The following CYP4X1 variants were observed in gnomAD, a reference collection of about 807,000 sequenced individuals.
The protein encoded by CYP4X1 is cytochrome P450 4X1.
Under a neutral mutation model 57.9 loss-of-function variants are expected in CYP4X1, and 44 were observed. That is an observed-to-expected ratio of 0.76 (90% CI 0.60 to 0.98). The LOEUF (loss-of-function observed/expected upper bound fraction) is 0.98, where lower values mean the gene tolerates loss of function less well. Ranked by LOEUF, CYP4X1 falls within the 50% of genes least tolerant of loss-of-function variation. The pLI, the probability that CYP4X1 is intolerant of heterozygous loss-of-function variation, is 0.00. For synonymous variants in CYP4X1, 227 were observed against 228.6 expected, an observed-to-expected ratio of 0.99 and a Z score of 0.06; for missense variants, 532 against 623.9, an observed-to-expected ratio of 0.85 and a Z score of 1.57.
the CYP4X1 span, among the ~76,000 whole-genome samples, chr1:47,005,698 T>TA: frequency 1.3e-5 from 2 of 152,198 alleles, no homozygotes; most frequent in African/African-American, 4.8e-5. Flanking sequence ...ATAACTTTAC[T>TA]AAAAAAGCTG....
chr1:46,983,040 C>T, the CYP4X1 span, among the ~76,000 whole-genome samples: 15 of 152,276 alleles, frequency 9.9e-5, no homozygotes, highest in Middle Eastern at 3.4e-3. Flanking sequence ...AGCCTGGGGG[C>T]CCTGCCTGGG....
At chr1:47,044,666 T>C (rs561019593) in intron 8 of CYP4X1, among the ~76,000 whole-genome samples, 1 of 152,338 alleles carries the variant, frequency 6.6e-6, no homozygotes, top group South Asian at 2.1e-4. Context: ...TAGCATTTTT[T>C]GTAAGATGGG....
chr1:47,048,090 AAAGAG>A (rs1644321964), intron 9 of CYP4X1, among the ~76,000 whole-genome samples: 1 of 151,932 alleles, frequency 6.6e-6, no homozygotes, highest in Non-Finnish European at 1.5e-5. Context: ...AAAAAAAAAA[AAAGAG>A]AGAGATAGCC....
the CYP4X1 span, among the ~76,000 whole-genome samples, chr1:46,986,368 G>T: frequency 6.6e-6 from 1 of 152,190 alleles, no homozygotes; most frequent in Non-Finnish European, 1.5e-5. Context: ...AAGTGTCCAA[G>T]AGATATCAGA....
At chr1:47,009,850 G>A in the CYP4X1 span, among the ~76,000 whole-genome samples, 1 of 152,184 alleles carries the variant, frequency 6.6e-6, no homozygotes. Flanking sequence ...ACCTTCCCAA[G>A]AATAAACCAG....
chr1:47,023,629 C>T, upstream of CYP4X1: 2 of 1,326,626 alleles, frequency 1.5e-6, no homozygotes, highest in Non-Finnish European at 1.9e-6. Flanking sequence ...ATCCCGCACG[C>T]GCGCCTGCCT....
At chr1:46,972,451 T>A in the CYP4X1 span, among the ~76,000 whole-genome samples, 4 of 152,122 alleles carry the variant, frequency 2.6e-5, no homozygotes, top group Non-Finnish European at 5.9e-5. Flanking sequence ...AATTTTAGAG[T>A]GGTTGTTTCT....
the CYP4X1 span, among the ~76,000 whole-genome samples, chr1:46,985,699 G>A: frequency 5.9e-5 from 9 of 152,192 alleles, no homozygotes; most frequent in African/African-American, 9.7e-5. Context: ...CTGTTCTGCA[G>A]CCCCCACTGG....
At chr1:46,995,349 G>C in the CYP4X1 span, among the ~76,000 whole-genome samples, 2 of 152,138 alleles carry the variant, frequency 1.3e-5, no homozygotes, top group Non-Finnish European at 2.9e-5. Context: ...TACTAGGGAA[G>C]TGAAATATCC....
Position 47,046,561 on chromosome 1 carries a change from A to G in CYP4X1, c.1168A>G (p.Lys390Glu). The G allele has an allele frequency of 3.1e-6, 5 of 1,614,172 alleles. No homozygotes were observed. Among genetic ancestry groups the G allele is most frequent in the Non-Finnish European group, 4.2e-6 (5 of 1,180,034 alleles). The change falls in exon 9 of 12, where the codon AAG becomes GAG. Residue 390 changes from lysine to glutamate, a missense_variant. Physicochemically the swap from Lys to Glu is moderately conservative, Grantham distance 56. Transcript: ENST00000371901. ...AVPSISRDLS[K>E]PLTFPDGCTL... ...CCCGTCCATTTCCAGAGATCTCAGC[A>G]AGCCACTTACCTTCCCAGATGGATG...
Position 47,048,628 on chromosome 1 carries a change from A to G in CYP4X1, c.1271A>G (p.Lys424Arg), listed in dbSNP as rs1644328404. ...HHNPAVWKNP[K>R]VFDPLRFSQE... Reference sequence around the variant, plus strand: ...AACCCTGCTGTCTGGAAAAACCCAAAGGTATGATTCTCTCTTGTACATAAA... The same window carrying G: ...AACCCTGCTGTCTGGAAAAACCCAAGGGTATGATTCTCTCTTGTACATAAA... The change falls in exon 10 of 12, where the codon AAG becomes AGG. Residue 424 changes from lysine (K) to arginine (R), a missense_variant and splice_region_variant. Transcript: ENST00000371901. 1 of 1,611,642 alleles carries G rather than the reference A, an allele frequency of 6.2e-7. No individual in the cohort carries two copies. Among genetic ancestry groups the G allele is most frequent in the African/African-American group, 1.3e-5 (1 of 74,616 alleles).
intron 3 of CYP4X1, 54 bp from the exon 4 acceptor site, chr1:47,033,187 C>G: frequency 6.3e-7 from 1 of 1,585,402 alleles, no homozygotes; most frequent in Non-Finnish European, 8.6e-7. Context: ...CCTCATCTAT[C>G]CTTCATCTCA....
At chr1:47,021,167 AAG>A (rs1491077822), upstream of CYP4X1, among the ~76,000 whole-genome samples, 3 of 151,200 alleles carry the variant, frequency 2.0e-5, no homozygotes, top group African/African-American at 7.3e-5. Flanking sequence ...AAAAAAAAAA[AAG>A]GAAGGAGGCG....
chr1:47,009,503 A>G, the CYP4X1 span, among the ~76,000 whole-genome samples: 1 of 152,234 alleles, frequency 6.6e-6, no homozygotes, highest in Non-Finnish European at 1.5e-5. Flanking sequence ...TAAAAGAACT[A>G]GAGAAGCAAG....
the CYP4X1 span, among the ~76,000 whole-genome samples, chr1:46,988,313 AC>A: frequency 2.6e-5 from 4 of 152,194 alleles, no homozygotes; most frequent in South Asian, 4.2e-4. Flanking sequence ...CTGGACACAT[AC>A]CCCCTCCCAA....
chr1:47,026,914 A>G (rs1444041029), intron 1 of CYP4X1, among the ~76,000 whole-genome samples: 1 of 151,070 alleles, frequency 6.6e-6, no homozygotes, highest in Non-Finnish European at 1.5e-5. Context: ...ACGGGGTTTC[A>G]CCATATTGGC....
At chr1:46,996,072 G>A in the CYP4X1 span, among the ~76,000 whole-genome samples, 16 of 152,238 alleles carry the variant, frequency 1.1e-4, no homozygotes, top group Non-Finnish European at 1.6e-4. Flanking sequence ...TATACAACAT[G>A]TAGCGGGCAC....
At chr1:46,983,216 G>A in the CYP4X1 span, among the ~76,000 whole-genome samples, 1 of 152,202 alleles carries the variant, frequency 6.6e-6, no homozygotes, top group Non-Finnish European at 1.5e-5. Flanking sequence ...GGGCATGTCT[G>A]TTGCCTCTGG....
chr1:46,983,345 G>C, the CYP4X1 span, among the ~76,000 whole-genome samples: 4 of 152,318 alleles, frequency 2.6e-5, no homozygotes, highest in East Asian at 7.7e-4. Flanking sequence ...GGAATTGGGA[G>C]CTCACAGGGA....
Sources: allele counts gnomAD v4.1 joint callset (sites outside exome capture counted in the v4.1 genomes callset), GRCh38; gene constraint gnomAD v4.1.1; transcripts MANE v1.5; gene names NCBI Gene and HGNC (gene_info 2026-07-23, HGNC 2026-07-21).